Variants in GBP5 observed in about 807,000 individuals in gnomAD.
The protein encoded by GBP5 is guanylate binding protein 5.
GBP5 carries 48 observed loss-of-function variants against 58.2 expected under a neutral mutation model. The ratio of observed to expected loss-of-function variants is 0.83; its 90% confidence interval spans 0.65 to 1.05. The LOEUF (loss-of-function observed/expected upper bound fraction) is 1.05. GBP5 is among the 50% of genes least tolerant of loss of function. GBP5 has a pLI of 0.00. For synonymous variants in GBP5, 248 were observed against 251.8 expected (o/e 0.98, Z 0.14); for missense variants, 714 against 686.8 (o/e 1.04, Z -0.44).
Position 89,259,286 on chromosome 1 carries a change from TC to T in GBP5, c.*1417del, listed in dbSNP as rs1347965383. ...GGTGAACAGAAAAGAAAAGGCTTCT[TC>T]TTTAGCCCTTAAGCCTATGACACAA... is the stretch of plus-strand genomic sequence containing the variant. On this transcript the variant is annotated 3_prime_UTR_variant, in exon 12 of 12. Coordinates refer to ENST00000370459, the MANE Select transcript of GBP5 (RefSeq NM_052942.5). 2 of 152,320 alleles carry T rather than the reference TC, an allele frequency of 1.3e-5. No individual in the cohort carries two copies. Among genetic ancestry groups the T allele is most frequent in the African/African-American group, 4.8e-5 (2 of 41,578 alleles). 9.4% of individuals were successfully genotyped at this position (152,320 alleles called of 1,614,324 possible). A position where few individuals can be genotyped will look rare whatever the true frequency, so the allele number is the denominator to read the frequency against.
rs1649800805 is a variant in GBP5, at chr1:89,256,567, A to C, written c.*4137T>G. 6.6e-6 allele frequency among the ~76,000 whole-genome samples: 1 copy of C among 152,188 alleles called. No individual in the cohort carries two copies. Among genetic ancestry groups the C allele is most frequent in the Admixed American group, 6.5e-5 (1 of 15,280 alleles). ...CAGAGAATGGGATGTAACTAACTAA[A>C]ATATTGCTTTGAAAGGGAACAAAGA... is the stretch of plus-strand genomic sequence containing the variant. On this transcript the variant is annotated 3_prime_UTR_variant, in exon 12 of 12. Coordinates refer to ENST00000370459, the MANE Select transcript of GBP5 (RefSeq NM_052942.5).
In GBP5 at chr1:89,260,521, T is replaced by C. The variant is rs1399104155; in HGVS notation, c.*183A>G. On this transcript the variant is annotated 3_prime_UTR_variant, in exon 12 of 12. Transcript: ENST00000370459. ...AAGGAAGCAATAAACATTTAAACTA[T>C]TGGACTACTGGGATGTACATTTTAC... is the stretch of plus-strand genomic sequence containing the variant. 2.1e-5 allele frequency: 11 copies of C among 529,338 alleles called. No individual in the cohort carries two copies. The highest frequency in any genetic ancestry group is 3.8e-5 in the African/African-American group (2 of 52,814). 32.8% of individuals were successfully genotyped at this position (529,338 alleles called of 1,614,324 possible).
rs377547796 is a variant in GBP5, at chr1:89,266,553, G to A, written c.661C>T (p.Arg221Cys). ...GGAAAGAACTTCTGTATACACAGACGGGGCAAATTGAAATTTTGAACTCTT... is the reference window on the plus strand; with the variant it reads ...GGAAAGAACTTCTGTATACACAGACAGGGCAAATTGAAATTTTGAACTCTT... ...DQRVQNFNLP[R>C]LCIQKFFPKK... Residue 221 changes from arginine (R) to cysteine (C), a missense_variant, in exon 7 of 12, where the codon CGT becomes TGT. Physicochemically the swap from Arg to Cys is radical, Grantham distance 180 (BLOSUM62 -3). Transcript: ENST00000370459. 3.4e-4 allele frequency: 550 copies of A among 1,612,606 alleles called. 1 individual carries two copies. The highest frequency in any genetic ancestry group is 2.1e-3 in the Middle Eastern group (13 of 6,058).
In GBP5 at chr1:89,267,000, G is replaced by A; in HGVS notation, c.582C>T (p.Val194=). The A allele has an allele frequency of 6.2e-7, 1 of 1,612,026 alleles. No individual in the cohort carries two copies. The highest frequency in any genetic ancestry group is 1.1e-5 in the South Asian group (1 of 90,542). The change falls in exon 6 of 12, where the codon GTC becomes GTT. Residue 194 remains valine (V), a synonymous_variant. Coordinates refer to ENST00000370459, the MANE Select transcript of GBP5 (RefSeq NM_052942.5). ...CLGLEIDGQL[V]TPDEYLENSL... Reference sequence around the variant, plus strand: ...AATTCTCCAGGTATTCATCTGGTGTGACAAGTTGCCCATCTATTTCCAGGC... The same window carrying A: ...AATTCTCCAGGTATTCATCTGGTGTAACAAGTTGCCCATCTATTTCCAGGC...
chr1:89,262,340 C>T lies in GBP5; in HGVS notation c.1527G>A (p.Arg509=). 3 of 1,614,084 alleles carry T rather than the reference C, an allele frequency of 1.9e-6. No individual in the cohort carries two copies. The highest frequency in any genetic ancestry group is 2.5e-6 in the Non-Finnish European group (3 of 1,179,974). Residue 509 remains arginine, a synonymous_variant, in exon 11 of 12, where the codon AGG becomes AGA. Coordinates refer to ENST00000370459, the MANE Select transcript of GBP5 (RefSeq NM_052942.5). Reference sequence around the variant, plus strand: ...TCTCCTGCATCATTTGCTCGTTCTGCCTTTGAATCGCCGCCAACCTTTGCG... The same window carrying T: ...TCTCCTGCATCATTTGCTCGTTCTGTCTTTGAATCGCCGCCAACCTTTGCG... ...AEAQRLAAIQ[R]QNEQMMQERE...
chr1:89,267,083 C>T lies in GBP5; in HGVS notation c.499G>A (p.Ala167Thr), dbSNP rs1374966885. Residue 167 changes from alanine to threonine, a missense_variant, in exon 6 of 12, where the codon GCT (alanine) becomes ACT (threonine). Transcript: ENST00000370459. ...TCTGGGAAGAAGCTCGCAGAGTCAG[C>T]AGGATCTTCAACCCTGTCAAGGTCG... Reference protein sequence around the residue: ...SPDLDRVEDPADSASFFPDLV... With the variant: ...SPDLDRVEDPTDSASFFPDLV... 6.2e-7 allele frequency: 1 copy of T among 1,611,636 alleles called. No individual in the cohort carries two copies. The highest frequency in any genetic ancestry group is 2.2e-5 in the East Asian group (1 of 44,842).
rs1025990224 is a variant in GBP5 at position 89,258,618 on chromosome 1, C to A, written c.*2086G>T. On this transcript the variant is annotated 3_prime_UTR_variant, in exon 12 of 12. Transcript: ENST00000370459. ...CAAAGAACAGTAAAAAGAGCAGACA[C>A]TAAAATTTTTCGGCTTTTTTCTGTA... Among the ~76,000 whole-genome samples, 4 of 152,078 alleles carry A rather than the reference C, an allele frequency of 2.6e-5. No homozygotes were observed. The East Asian group carries it at 5.8e-4, about 22-fold the overall frequency.
At position 89,263,966 on chromosome 1, in the gene GBP5, C is replaced by G; in HGVS notation, c.1150-18G>C. The G allele has an allele frequency of 6.9e-7, 1 of 1,457,522 alleles. No homozygotes were observed. The highest frequency in any genetic ancestry group is 1.2e-5 in the South Asian group (1 of 86,698). The allele number at this position is 1,457,522 out of a possible 1,614,324, so 90.3% of individuals were successfully genotyped here. A position where few individuals can be genotyped will look rare whatever the true frequency, so the allele number is the denominator to read the frequency against. On this transcript the variant is annotated intron_variant, in intron 8 of 11. Transcript: ENST00000370459. Reference sequence around the variant, plus strand: ...AGTAGAGTCTTCAAAGAGACAAAAACCCATGGAAAAGATGTTAGCAATACT... The same window carrying G: ...AGTAGAGTCTTCAAAGAGACAAAAAGCCATGGAAAAGATGTTAGCAATACT...
At position 89,269,531 on chromosome 1, in the gene GBP5, C is replaced by A. The variant is rs762287433; in HGVS notation, c.25G>T (p.Asp9Tyr). Residue 9 changes from aspartate to tyrosine, a missense_variant, in exon 3 of 12, where the codon GAC becomes TAC. Transcript: ENST00000370459. ...AAGTTCTCGATGAGGCACATGGGGT[C>A]TGACATGTGGATCTCTAAAGCCATG... MALEIHMSDPMCLIENFNE... is the reference protein window; with the variant it reads MALEIHMSYPMCLIENFNE... 1 of 1,613,572 alleles carries A rather than the reference C, an allele frequency of 6.2e-7. No homozygotes were observed. The highest frequency in any genetic ancestry group is 1.1e-5 in the South Asian group (1 of 91,060).
Position 89,272,509 on chromosome 1 carries a change from C to A in GBP5, c.-185G>T, listed in dbSNP as rs941269370. ...TGACTTCAAGAATGAAGCCGCGGACCCTAGCGTTGAGTGTCACGGTTCTTA... is the reference window on the plus strand; with the variant it reads ...TGACTTCAAGAATGAAGCCGCGGACACTAGCGTTGAGTGTCACGGTTCTTA... On this transcript the variant is annotated 5_prime_UTR_variant, in exon 1 of 12. Transcript: ENST00000370459. The A allele has an allele frequency of 1.2e-5, 2 of 169,218 alleles. No homozygotes were observed. Among genetic ancestry groups the A allele is most frequent in the African/African-American group, 2.4e-5 (1 of 41,806 alleles). The allele number at this position is 169,218 out of a possible 1,614,324, so 10.5% of individuals were successfully genotyped here.
chr1:89,266,623 A>T, intron 6 of GBP5, 35 bp from the exon 7 acceptor site: 1 of 1,560,560 alleles, frequency 6.4e-7, no homozygotes, highest in Non-Finnish European at 8.7e-7. Context: ...TTTAGCATAG[A>T]CTTTGCACTC....
At chr1:89,267,982 C>A (rs1465170108) in intron 4 of GBP5, among the ~76,000 whole-genome samples, 1 of 151,998 alleles carries the variant, frequency 6.6e-6, no homozygotes, top group Admixed American at 6.6e-5. Context: ...ATCTTTAAGT[C>A]CTGGCAAATC....
Position 89,262,597 on chromosome 1 carries a change from G to A in GBP5, c.1465+86C>T, listed in dbSNP as rs190270139. 5.1e-3 allele frequency: 5,124 copies of A among 1,007,670 alleles called. 23 individuals carry two copies. Among genetic ancestry groups the A allele is most frequent in the Non-Finnish European group, 6.4e-3 (4,229 of 661,504 alleles). 62.4% of individuals were successfully genotyped at this position (1,007,670 alleles called of 1,614,324 possible). A position where few individuals can be genotyped will look rare whatever the true frequency, so the allele number is the denominator to read the frequency against. On this transcript the variant is annotated intron_variant, in intron 10 of 11. Transcript: ENST00000370459. ...AAGCATCTTTGCCATTCTTGCTCTA[G>A]TTTAACATCCCATGAGGGCCAGGCC... is the stretch of plus-strand genomic sequence containing the variant.
rs1424993332 is a variant in GBP5 at position 89,259,700 on chromosome 1, T to C, written c.*1004A>G. The C allele has an allele frequency of 6.6e-6, 1 of 151,702 alleles. No individual in the cohort carries two copies. The highest frequency in any genetic ancestry group is 2.4e-5 in the African/African-American group (1 of 41,202). The allele number at this position is 151,702 out of a possible 1,614,324, so 9.4% of individuals were successfully genotyped here. A position where few individuals can be genotyped will look rare whatever the true frequency, so the allele number is the denominator to read the frequency against. On this transcript the variant is annotated 3_prime_UTR_variant, in exon 12 of 12. Transcript: ENST00000370459. ...GCCCCCACCGCAAGTTCCCAGAACT[T>C]AGGTGCCACTATAACCACCCCTAAG...
chr1:89,269,719 A>G (rs1178881187), intron 2 of GBP5, 145 bp from the exon 3 acceptor site: 2 of 524,932 alleles, frequency 3.8e-6, no homozygotes, highest in Non-Finnish European at 6.7e-6. Context: ...AAATAAAAAG[A>G]GTCCTGTAAA....
At position 89,259,325 on chromosome 1, in the gene GBP5, T is replaced by C. The variant is rs1384411180; in HGVS notation, c.*1379A>G. Reference sequence around the variant, plus strand: ...GCCTATGACACAATTTCCATGCTGGTAATTCCTTTCATCTTCTGAAGAATC... The same window carrying C: ...GCCTATGACACAATTTCCATGCTGGCAATTCCTTTCATCTTCTGAAGAATC... On this transcript the variant is annotated 3_prime_UTR_variant, in exon 12 of 12. Transcript: ENST00000370459. 6.6e-6 allele frequency: 1 copy of C among 152,256 alleles called. No homozygotes were observed. 9.4% of individuals were successfully genotyped at this position (152,256 alleles called of 1,614,324 possible).
In GBP5 at chr1:89,256,818, T is replaced by C. The variant is rs1273301274; in HGVS notation, c.*3886A>G. On this transcript the variant is annotated 3_prime_UTR_variant, in exon 12 of 12. Coordinates refer to ENST00000370459, the MANE Select transcript of GBP5 (RefSeq NM_052942.5). ...CTGGTTACAACTTGATCTTTTCCTATATGGCCATCCAGTAGTCCCAACCTA... is the reference window on the plus strand; with the variant it reads ...CTGGTTACAACTTGATCTTTTCCTACATGGCCATCCAGTAGTCCCAACCTA... 1.3e-5 allele frequency among the ~76,000 whole-genome samples: 2 copies of C among 152,214 alleles called. No individual in the cohort carries two copies. The highest frequency in any genetic ancestry group is 2.9e-5 in the Non-Finnish European group (2 of 68,028).
chr1:89,271,833 T>C (rs1016609412), intron 1 of GBP5: 1 of 152,084 alleles, frequency 6.6e-6, no homozygotes, highest in African/African-American at 2.4e-5. Context: ...GTAAAGGCAA[T>C]AGAGTAGTAG....
At chr1:89,265,901 G>C (rs1650194265) in intron 7 of GBP5, among the ~76,000 whole-genome samples, 1 of 151,982 alleles carries the variant, frequency 6.6e-6, no homozygotes, top group African/African-American at 2.4e-5. Flanking sequence ...GAAAAACTAG[G>C]CCCAAAAGTC....
Sources: gnomAD v4.1 joint callset for allele counts (sites outside exome capture counted in the v4.1 genomes callset) on GRCh38, gnomAD v4.1.1 for gene constraint, MANE v1.5 for transcripts, NCBI Gene and HGNC (gene_info 2026-07-23, HGNC 2026-07-21) for gene names.